RAP1GDS1: variants seen among roughly 807,000 people sequenced by gnomAD.
RAP1GDS1 encodes Rap1 GTPase-GDP dissociation stimulator 1.
In RAP1GDS1, 35 loss-of-function variants were observed where a neutral mutation model predicts 71.1. The ratio of observed to expected loss-of-function variants is 0.49; its 90% CI spans 0.38 to 0.65. The LOEUF (loss-of-function observed/expected upper bound fraction) is 0.65. RAP1GDS1 is among the 30% of genes least tolerant of loss of function. The probability of loss-of-function intolerance (pLI) is 0.00; values close to 1 mark genes in which losing one functional copy is unlikely to be tolerated. For missense variants in RAP1GDS1, 663 were observed against 706.1 expected, an observed-to-expected ratio of 0.94 and a Z score of 0.69; for synonymous variants, 229 against 243.1, an observed-to-expected ratio of 0.94 and a Z score of 0.54.
chr4:98,383,354 AT>A (rs1374354481), intron 5 of RAP1GDS1, among the ~76,000 whole-genome samples: 1 of 151,582 alleles, frequency 6.6e-6, no homozygotes, highest in Non-Finnish European at 1.5e-5. Flanking sequence ...ATCTTCTAAA[AT>A]TATTAACATA....
At chr4:98,415,033 A>C (rs1205895010) in intron 7 of RAP1GDS1, among the ~76,000 whole-genome samples, 5 of 152,162 alleles carry the variant, frequency 3.3e-5, no homozygotes, top group Non-Finnish European at 7.3e-5. Context: ...TTGTTGGTGT[A>C]TAAGAATGCT....
intron 2 of RAP1GDS1, among the ~76,000 whole-genome samples, chr4:98,300,383 C>G (rs564153980): frequency 8.6e-4 from 131 of 151,756 alleles, no homozygotes; most frequent in Non-Finnish European, 1.6e-3. Context: ...CAGTAGACTA[C>G]AGTATAGTGT....
chr4:98,306,198 A>G (rs1226318346), intron 2 of RAP1GDS1, among the ~76,000 whole-genome samples: 3 of 152,186 alleles, frequency 2.0e-5, no homozygotes, highest in Admixed American at 2.0e-4. Flanking sequence ...TTGTGCTGTT[A>G]TAACAGAATA....
chr4:98,313,437 T>A (rs1052023060), intron 2 of RAP1GDS1, among the ~76,000 whole-genome samples: 10 of 152,162 alleles, frequency 6.6e-5, no homozygotes, highest in Admixed American at 2.0e-4. Context: ...AAATTAACCA[T>A]CAGAAGTGGA....
intron 6 of RAP1GDS1, among the ~76,000 whole-genome samples, chr4:98,404,219 T>A (rs1427035360): frequency 6.6e-6 from 1 of 152,176 alleles, no homozygotes; most frequent in African/African-American, 2.4e-5. Context: ...ACTATGAATT[T>A]ATGACTTAGT....
At chr4:98,431,066 T>TTATA (rs1489337569) in intron 12 of RAP1GDS1, among the ~76,000 whole-genome samples, 3 of 152,228 alleles carry the variant, frequency 2.0e-5, no homozygotes, top group African/African-American at 7.2e-5. Flanking sequence ...TAGGTTGCCT[T>TTATA]TATACCAGGA....
intron 4 of RAP1GDS1, among the ~76,000 whole-genome samples, chr4:98,353,325 T>C (rs1011974635): frequency 1.3e-5 from 2 of 152,188 alleles, no homozygotes; most frequent in African/African-American, 4.8e-5. Context: ...CATTCACCTG[T>C]AATGCCTCCT....
chr4:98,433,632 G>A (rs1320659320), intron 12 of RAP1GDS1, among the ~76,000 whole-genome samples: 2 of 152,100 alleles, frequency 1.3e-5, no homozygotes, highest in African/African-American at 2.4e-5. Flanking sequence ...CCTAAGGTAG[G>A]TCAACATTTA....
At chr4:98,433,850 C>T in intron 12 of RAP1GDS1, 86 bp from the exon 13 acceptor site, 2 of 1,342,016 alleles carry the variant, frequency 1.5e-6, no homozygotes, top group Non-Finnish European at 2.1e-6. Context: ...GTCGCAAAAC[C>T]ACTCAACAAT....
intron 13 of RAP1GDS1, among the ~76,000 whole-genome samples, chr4:98,434,778 G>T (rs1424200771): frequency 6.6e-6 from 1 of 151,994 alleles, no homozygotes; most frequent in Non-Finnish European, 1.5e-5. Context: ...ATGCCACTGT[G>T]CCTGACTAAT....
At chr4:98,413,989 A>G (rs981651370) in intron 7 of RAP1GDS1, among the ~76,000 whole-genome samples, 1 of 151,952 alleles carries the variant, frequency 6.6e-6, no homozygotes, top group African/African-American at 2.4e-5. Context: ...GCATTTTTTC[A>G]TGTGTTTTTT....
chr4:98,264,010 A>G (rs1722379785), intron 1 of RAP1GDS1, among the ~76,000 whole-genome samples: 1 of 152,244 alleles, frequency 6.6e-6, no homozygotes, highest in Admixed American at 6.5e-5. Flanking sequence ...CAAGGAAGTT[A>G]GTATAACAAT....
chr4:98,441,482 A>G (rs1293794009), intron 14 of RAP1GDS1: 1 of 985,280 alleles, frequency 1.0e-6, no homozygotes, highest in East Asian at 1.1e-4. Context: ...TGGACTTCAT[A>G]TTTGAACTGG....
At chr4:98,397,846 A>G (rs1446181470) in intron 6 of RAP1GDS1, among the ~76,000 whole-genome samples, 1 of 152,164 alleles carries the variant, frequency 6.6e-6, no homozygotes, top group East Asian at 1.9e-4. Flanking sequence ...CCACAGTACC[A>G]ATCCATAAAC....
intron 5 of RAP1GDS1, among the ~76,000 whole-genome samples, chr4:98,388,451 C>A (rs1252817974): frequency 6.6e-6 from 1 of 152,134 alleles, no homozygotes; most frequent in African/African-American, 2.4e-5. Flanking sequence ...CCCTGGTGGG[C>A]GCTGTAGCTC....
Position 98,441,986 on chromosome 4 carries a change from C to T in RAP1GDS1, c.1697-4C>T, listed in dbSNP as rs1481268310. 1.2e-6 allele frequency: 2 copies of T among 1,612,914 alleles called. No homozygotes were observed. The highest frequency in any genetic ancestry group is 1.1e-5 in the South Asian group (1 of 90,972). The stretch of plus-strand genomic sequence containing the variant: ...ATCATATCTGTTATTTTTTTGTCTT[C>T]CAGAATGTCTACACAAGGAAGTACA... On this transcript the variant is annotated splice_polypyrimidine_tract_variant and splice_region_variant and intron_variant, in intron 14 of 14. Coordinates refer to ENST00000408927, the MANE Select transcript of RAP1GDS1 (RefSeq NM_001100427.2).
intron 1 of RAP1GDS1, among the ~76,000 whole-genome samples, chr4:98,285,778 TATA>T (rs1376215959): frequency 5.4e-5 from 8 of 148,160 alleles, no homozygotes; most frequent in African/African-American, 9.8e-5. Flanking sequence ...ATATAATAAT[TATA>T]ATAATGGGCA....
At chr4:98,344,193 A>G (rs578104951) in intron 3 of RAP1GDS1, among the ~76,000 whole-genome samples, 1 of 152,172 alleles carries the variant, frequency 6.6e-6, no homozygotes, top group African/African-American at 2.4e-5. Flanking sequence ...GTTAGATTCT[A>G]TATTGGTATA....
At chr4:98,431,397 G>T (rs1460205750) in intron 12 of RAP1GDS1, among the ~76,000 whole-genome samples, 5 of 152,122 alleles carry the variant, frequency 3.3e-5, no homozygotes, top group Non-Finnish European at 7.4e-5. Flanking sequence ...TCTTAACCTG[G>T]GTTGATTTCA....
Sources: allele counts gnomAD v4.1 joint callset (sites outside exome capture counted in the v4.1 genomes callset), GRCh38; gene constraint gnomAD v4.1.1; transcripts MANE v1.5; gene names NCBI Gene and HGNC (gene_info 2026-07-23, HGNC 2026-07-21).